DCDC2: variants seen among roughly 807,000 people sequenced by gnomAD.
DCDC2 encodes doublecortin domain-containing protein 2.
A neutral mutation model predicts 50.2 loss-of-function variants in DCDC2; 40 were observed. The ratio of observed to expected loss-of-function variants is 0.80; its 90% CI spans 0.62 to 1.04. DCDC2 has a LOEUF of 1.04. DCDC2 is among the 50% of genes least tolerant of loss of function. The pLI is 0.00. For synonymous variants in DCDC2, 234 were observed against 210.6 expected (o/e 1.11, Z -0.96); for missense variants, 570 against 581.9 (o/e 0.98, Z 0.21).
intron 7 of DCDC2, among the ~76,000 whole-genome samples, chr6:24,215,147 T>C (rs1322733787): frequency 6.6e-6 from 1 of 152,110 alleles, no homozygotes; most frequent in East Asian, 1.9e-4. Context: ...AAGAAGGCTG[T>C]GAGAGACGGA....
At position 24,342,620 on chromosome 6, in the gene DCDC2, G is replaced by A. The variant is rs898960085; in HGVS notation, c.348+10949C>T. ...ACCGAAATGTGCAAGTCAGAAGAAT[G>A]TATTTCTATTTAAAATAGATAGAAA... On this transcript the variant is annotated intron_variant, in intron 2 of 9. Transcript: ENST00000378454. Among the ~76,000 whole-genome samples the A allele has an allele frequency of 3.6e-4, 54 of 151,812 alleles. 1 individual carries two copies. Among genetic ancestry groups the A allele is most frequent in the African/African-American group, 1.2e-3 (50 of 41,390 alleles).
chr6:24,266,688 A>G (rs1763129401), intron 7 of DCDC2, among the ~76,000 whole-genome samples: 1 of 152,002 alleles, frequency 6.6e-6, no homozygotes, highest in South Asian at 2.1e-4. Context: ...GATGTAGAGA[A>G]AAGGGAATAC....
At chr6:24,314,793 C>T (rs768174494) in intron 2 of DCDC2, among the ~76,000 whole-genome samples, 2 of 151,752 alleles carry the variant, frequency 1.3e-5, no homozygotes, top group Non-Finnish European at 2.9e-5. Flanking sequence ...GAAAAAAGTC[C>T]GGAAGATCAG....
intron 2 of DCDC2, among the ~76,000 whole-genome samples, chr6:24,314,052 AC>A (rs2113847108): frequency 6.6e-6 from 1 of 152,336 alleles, no homozygotes; most frequent in South Asian, 2.1e-4. Flanking sequence ...TGACTTGCAT[AC>A]TCAGCTACAG....
At chr6:24,232,733 G>T (rs1762362211) in intron 7 of DCDC2, among the ~76,000 whole-genome samples, 1 of 152,070 alleles carries the variant, frequency 6.6e-6, no homozygotes. Flanking sequence ...TAGTGAACAT[G>T]GAGCTCTCTA....
At chr6:24,250,384 T>C (rs1268472834) in intron 7 of DCDC2, among the ~76,000 whole-genome samples, 1 of 152,216 alleles carries the variant, frequency 6.6e-6, no homozygotes, top group Non-Finnish European at 1.5e-5. Context: ...TAATCACGGC[T>C]GGCTAAAACA....
chr6:24,337,257 A>G (rs1483391766), intron 2 of DCDC2, among the ~76,000 whole-genome samples: 1 of 152,190 alleles, frequency 6.6e-6, no homozygotes, highest in African/African-American at 2.4e-5. Flanking sequence ...AGCTCTATAT[A>G]TCTCTCTGTA....
intron 7 of DCDC2, among the ~76,000 whole-genome samples, chr6:24,248,273 G>A (rs540113475): frequency 2.0e-5 from 3 of 152,240 alleles, no homozygotes; most frequent in East Asian, 3.9e-4. Context: ...ACACCATACG[G>A]TGCAGTGCGG....
intron 7 of DCDC2, among the ~76,000 whole-genome samples, chr6:24,243,112 A>C (rs1337612085): frequency 4.6e-5 from 7 of 152,242 alleles, no homozygotes. Context: ...AGTGAGACAC[A>C]AAACAGAAGA....
At chr6:24,237,902 G>C (rs1232274105) in intron 7 of DCDC2, among the ~76,000 whole-genome samples, 1 of 151,448 alleles carries the variant, frequency 6.6e-6, no homozygotes, top group East Asian at 2.0e-4. Context: ...GGGAACAACA[G>C]ACACTGAGCA....
intron 4 of DCDC2, among the ~76,000 whole-genome samples, chr6:24,294,464 C>A (rs1763818073): frequency 6.6e-6 from 1 of 151,780 alleles, no homozygotes; most frequent in African/African-American, 2.4e-5. Context: ...AAGAAATAAC[C>A]AAAATCAGAG....
At chr6:24,238,930 G>A (rs955408787) in intron 7 of DCDC2, among the ~76,000 whole-genome samples, 3 of 152,158 alleles carry the variant, frequency 2.0e-5, no homozygotes, top group Non-Finnish European at 2.9e-5. Flanking sequence ...AAGCAACTCT[G>A]CCTACTATAG....
intron 7 of DCDC2, among the ~76,000 whole-genome samples, chr6:24,252,759 G>A (rs1762818152): frequency 6.6e-6 from 1 of 152,110 alleles, no homozygotes; most frequent in Non-Finnish European, 1.5e-5. Flanking sequence ...CATTCTTCAA[G>A]TACCTCTGGA....
At chr6:24,341,544 C>T (rs2127248473) in intron 2 of DCDC2, among the ~76,000 whole-genome samples, 1 of 151,748 alleles carries the variant, frequency 6.6e-6, no homozygotes, top group East Asian at 1.9e-4. Flanking sequence ...CTCCATCCAT[C>T]TGTTTTGAAC....
intron 7 of DCDC2, among the ~76,000 whole-genome samples, chr6:24,235,190 G>A (rs1161854326): frequency 6.6e-6 from 1 of 152,120 alleles, no homozygotes; most frequent in Non-Finnish European, 1.5e-5. Context: ...CTTTCAGATT[G>A]AGGGGGGCCA....
intron 7 of DCDC2, among the ~76,000 whole-genome samples, chr6:24,210,789 T>C (rs1761850577): frequency 6.6e-6 from 1 of 152,208 alleles, no homozygotes; most frequent in Non-Finnish European, 1.5e-5. Context: ...ACATATACAA[T>C]CCAAGTTCCT....
At chr6:24,293,840 C>T (rs374785267) in intron 4 of DCDC2, among the ~76,000 whole-genome samples, 15 of 152,150 alleles carry the variant, frequency 9.9e-5, no homozygotes, top group African/African-American at 3.4e-4. Context: ...ACCCTCAGAT[C>T]GCAGCACAAT....
chr6:24,220,481 T>G (rs62403465), intron 7 of DCDC2, among the ~76,000 whole-genome samples: 11,996 of 152,254 alleles, frequency 0.079, 757 homozygotes, highest in African/African-American at 0.17. Context: ...TTCCCTACTT[T>G]TTGAACATGA....
intron 7 of DCDC2, among the ~76,000 whole-genome samples, chr6:24,234,762 T>C (rs1369702702): frequency 6.6e-6 from 1 of 152,184 alleles, no homozygotes; most frequent in East Asian, 1.9e-4. Context: ...TTTAGGGATG[T>C]TGGGTACAAG....
Sources: gnomAD v4.1 joint callset for allele counts (sites outside exome capture counted in the v4.1 genomes callset) on GRCh38, gnomAD v4.1.1 for gene constraint, MANE v1.5 for transcripts, NCBI Gene and HGNC (gene_info 2026-07-23, HGNC 2026-07-21) for gene names.